Variants in XXYLT1 observed in about 807,000 individuals in gnomAD.
The protein encoded by XXYLT1 is UDP-xylose:alpha-xyloside alpha-1,3-xylosyltransferase.
In XXYLT1, 20 loss-of-function variants were observed where a neutral mutation model predicts 28.9. That is an observed-to-expected ratio of 0.69 (90% CI 0.49 to 1.00). The LOEUF is 1.00. XXYLT1 is among the 50% of genes least tolerant of loss of function. The pLI, the probability that XXYLT1 is intolerant of heterozygous loss-of-function variation, is 0.00. For missense variants in XXYLT1, 542 were observed against 560.1 expected, an observed-to-expected ratio of 0.97 and a Z score of 0.33; for synonymous variants, 257 against 253.8, an observed-to-expected ratio of 1.01 and a Z score of -0.12.
intron 2 of XXYLT1, among the ~76,000 whole-genome samples, chr3:195,206,518 C>T (rs2108772519): frequency 6.6e-6 from 1 of 152,006 alleles, no homozygotes; most frequent in Middle Eastern, 3.4e-3. Flanking sequence ...CCTGCAATCC[C>T]AGCACTTTGG....
rs1722405435 is a variant in XXYLT1, at chr3:195,191,222, C to T, written c.653-34641G>A. On this transcript the variant is annotated intron_variant, in intron 2 of 3. Transcript: ENST00000310380. Reference sequence around the variant, plus strand: ...TCAATAAAAGTTATACCAAGTGTGCCTACCTCTCCTGCCTCCCCTTCCACC... The same window carrying T: ...TCAATAAAAGTTATACCAAGTGTGCTTACCTCTCCTGCCTCCCCTTCCACC... Among the ~76,000 whole-genome samples the T allele has an allele frequency of 2.0e-5, 3 of 152,066 alleles. No individual in the cohort carries two copies. In the South Asian group the frequency reaches 6.2e-4, roughly 32 times the overall value.
At chr3:195,233,927 TTTTG>T (rs1490364184) in intron 1 of XXYLT1, among the ~76,000 whole-genome samples, 1 of 152,174 alleles carries the variant, frequency 6.6e-6, no homozygotes, top group Non-Finnish European at 1.5e-5. Flanking sequence ...TTTTGTTTTG[TTTTG>T]TTTGAGATGG....
At chr3:195,165,352 C>T (rs765312462) in intron 2 of XXYLT1, among the ~76,000 whole-genome samples, 5 of 152,122 alleles carry the variant, frequency 3.3e-5, no homozygotes, top group Admixed American at 1.3e-4. Flanking sequence ...CTCCTGAGAT[C>T]CTCTCCCAGA....
chr3:195,270,447 G>A, intron 1 of XXYLT1, 108 bp downstream of exon 1: 1 of 1,342,090 alleles, frequency 7.5e-7, no homozygotes, highest in East Asian at 3.1e-5. Flanking sequence ...GGCAGCTCAG[G>A]GAAGATCCTA....
At chr3:195,088,374 A>T (rs1434098553) in intron 3 of XXYLT1, among the ~76,000 whole-genome samples, 1 of 146,440 alleles carries the variant, frequency 6.8e-6, no homozygotes, top group Non-Finnish European at 1.5e-5. Context: ...TGGGTCCCTG[A>T]CCCCTGACCC....
At position 195,078,204 on chromosome 3, in the gene XXYLT1, G is replaced by A. The variant is rs1386855030; in HGVS notation, c.786-8093C>T. On this transcript the variant is annotated intron_variant, in intron 3 of 3. Coordinates refer to ENST00000310380, the MANE Select transcript of XXYLT1 (RefSeq NM_152531.5). This position sits in a 1 kb window ranked among gnomAD's most constrained non-coding sequence, Gnocchi z 5.0. ...ACAGCAATGTGGAGGAGCCCAGCAG[G>A]TGGCTGGAGGTACCGGCCATAAGCA... Among the ~76,000 whole-genome samples, 1 of 152,096 alleles carries A rather than the reference G, an allele frequency of 6.6e-6. No individual in the cohort carries two copies. The highest frequency in any genetic ancestry group is 6.5e-5 in the Admixed American group (1 of 15,280).
intron 3 of XXYLT1, among the ~76,000 whole-genome samples, chr3:195,099,830 C>CAAAAAAAAAAAAAAAAAAAA (rs35428286): frequency 1.2e-4 from 12 of 97,226 alleles, no homozygotes; most frequent in African/African-American, 4.1e-4. Context: ...GACTCTGTCT[C>CAAAAAAAAAAAAAAAAAAAA]AAAAAAAAAA....
intron 3 of XXYLT1, among the ~76,000 whole-genome samples, chr3:195,113,415 G>T (rs150881545): frequency 9.0e-4 from 137 of 152,238 alleles, no homozygotes; most frequent in African/African-American, 3.2e-3. Context: ...ATGTTTTCAA[G>T]AATCTTAATT....
At chr3:195,260,034 G>C (rs1025828904) in intron 1 of XXYLT1, 1 of 152,438 alleles carries the variant, frequency 6.6e-6, no homozygotes, top group African/African-American at 2.4e-5. Context: ...GGAAGGAAAT[G>C]ACCGCCCGCC....
At chr3:195,186,035 C>T (rs888763481) in intron 2 of XXYLT1, among the ~76,000 whole-genome samples, 3 of 152,170 alleles carry the variant, frequency 2.0e-5, no homozygotes, top group African/African-American at 7.2e-5. Flanking sequence ...CTAAGAAGTC[C>T]AGGCCACTGT....
intron 2 of XXYLT1, among the ~76,000 whole-genome samples, chr3:195,186,263 G>A (rs926175483): frequency 2.0e-5 from 3 of 152,156 alleles, no homozygotes; most frequent in African/African-American, 7.2e-5. Context: ...CATTCTTTCA[G>A]GTCCATCCCA....
At chr3:195,207,571 G>A in intron 2 of XXYLT1, 1 of 433,638 alleles carries the variant, frequency 2.3e-6, no homozygotes, top group East Asian at 7.2e-5. Context: ...TTAGCCAAAG[G>A]TGCCGCCTCC....
At chr3:195,106,330 T>C (rs1174386438) in intron 3 of XXYLT1, among the ~76,000 whole-genome samples, 1 of 152,186 alleles carries the variant, frequency 6.6e-6, no homozygotes, top group Non-Finnish European at 1.5e-5. Context: ...GGAGAGATGC[T>C]CTTGTTGTGT....
intron 1 of XXYLT1, among the ~76,000 whole-genome samples, chr3:195,267,960 A>G (rs1408949237): frequency 6.6e-6 from 1 of 152,224 alleles, no homozygotes; most frequent in African/African-American, 2.4e-5. Context: ...ACTTTTCATC[A>G]CAAACAGAAA....
chr3:195,219,201 A>T lies in XXYLT1; in HGVS notation c.652+7508T>A, dbSNP rs543027034. ...GAGGGGGGAGGGATAGCATTGGGAG[A>T]TATACCTAATGCTAGATGACGAGTT... On this transcript the variant is annotated intron_variant, in intron 2 of 3. Transcript: ENST00000310380. 8.6e-5 allele frequency among the ~76,000 whole-genome samples: 13 copies of T among 151,672 alleles called. No homozygotes were observed. In the East Asian group the frequency reaches 2.5e-3, roughly 30 times the overall value.
intron 2 of XXYLT1, among the ~76,000 whole-genome samples, chr3:195,169,083 C>T (rs775129288): frequency 7.2e-5 from 11 of 152,216 alleles, no homozygotes; most frequent in African/African-American, 9.6e-5. Context: ...GTCTTTTGGG[C>T]GAATGCAGTA....
chr3:195,188,295 A>G (rs538417724), intron 2 of XXYLT1, among the ~76,000 whole-genome samples: 3 of 152,306 alleles, frequency 2.0e-5, no homozygotes, highest in Admixed American at 6.5e-5. Flanking sequence ...CAAACACGGG[A>G]CCAAATTGAG....
Position 195,133,027 on chromosome 3 carries a change from T to C in XXYLT1, c.785+23422A>G, listed in dbSNP as rs1186566262. Among the ~76,000 whole-genome samples the C allele has an allele frequency of 6.6e-6, 1 of 152,224 alleles. No homozygotes were observed. Among genetic ancestry groups the C allele is most frequent in the Non-Finnish European group, 1.5e-5 (1 of 68,040 alleles). ...TAAACTGAATCGTCCTGCTGAGTTC[T>C]AGTGAAACAAAAGCTTACAACATCA... On this transcript the variant is annotated intron_variant, in intron 3 of 3. Transcript: ENST00000310380. This position sits in a 1 kb window ranked among gnomAD's most constrained non-coding sequence, Gnocchi z 4.4.
At chr3:195,126,657 G>A (rs113738322) in intron 3 of XXYLT1, among the ~76,000 whole-genome samples, 92 of 152,204 alleles carry the variant, frequency 6.0e-4, no homozygotes, top group African/African-American at 2.1e-3. Context: ...TGAGAAAAAG[G>A]AGATACAAAA....
Sources: allele counts gnomAD v4.1 joint callset (sites outside exome capture counted in the v4.1 genomes callset), GRCh38; gene constraint gnomAD v4.1.1; non-coding constraint Gnocchi (gnomAD v3.1); transcripts MANE v1.5; gene names NCBI Gene and HGNC (gene_info 2026-07-23, HGNC 2026-07-21).